CLVS1: variants seen among roughly 807,000 people sequenced by gnomAD.
CLVS1 encodes clavesin 1.
A neutral mutation model predicts 33.1 loss-of-function variants in CLVS1; 10 were observed. The observed-to-expected ratio is 0.30, with a 90% CI of 0.19 to 0.51. CLVS1 has a LOEUF of 0.51. CLVS1 is among the 20% of genes least tolerant of loss of function. CLVS1 has a pLI of 0.97. For missense variants in CLVS1, 343 were observed against 433.4 expected (o/e 0.79, Z 1.85); for synonymous variants, 163 against 166.1 (o/e 0.98, Z 0.14).
At chr8:61,238,207 T>A (rs184217165) in intron 2 of CLVS1, among the ~76,000 whole-genome samples, 2 of 152,178 alleles carry the variant, frequency 1.3e-5, no homozygotes, top group Non-Finnish European at 2.9e-5. Flanking sequence ...AAATTACCTA[T>A]AATTCTAACA....
intron 2 of CLVS1, among the ~76,000 whole-genome samples, chr8:61,336,482 A>G (rs1477795022): frequency 6.6e-6 from 1 of 152,156 alleles, no homozygotes; most frequent in Non-Finnish European, 1.5e-5. Context: ...GGTCCTCACC[A>G]CCAGAGAAAC....
intron 2 of CLVS1, among the ~76,000 whole-genome samples, chr8:61,221,970 G>T (rs368225017): frequency 6.6e-6 from 1 of 152,054 alleles, no homozygotes; most frequent in Non-Finnish European, 1.5e-5. Flanking sequence ...GTTTATTTGC[G>T]TAGAGGTGTT....
At chr8:61,156,999 A>G (rs1001809210) in intron 2 of CLVS1, among the ~76,000 whole-genome samples, 1 of 152,226 alleles carries the variant, frequency 6.6e-6, no homozygotes, top group Non-Finnish European at 1.5e-5. Context: ...TTTTGATTGC[A>G]GAAGGAAAAC....
intron 2 of CLVS1, among the ~76,000 whole-genome samples, chr8:61,150,572 C>A (rs1416018034): frequency 1.3e-5 from 2 of 152,294 alleles, no homozygotes; most frequent in East Asian, 3.9e-4. Flanking sequence ...ATGTTGGGAG[C>A]TTGGCCCCCT....
chr8:61,028,296 T>TA, the CLVS1 span, among the ~76,000 whole-genome samples: 1 of 152,242 alleles, frequency 6.6e-6, no homozygotes, highest in Non-Finnish European at 1.5e-5. Context: ...TCCCAGTGGT[T>TA]TAAGGATCCG....
At chr8:61,267,283 T>A (rs940470129) in intron 2 of CLVS1, among the ~76,000 whole-genome samples, 3 of 150,014 alleles carry the variant, frequency 2.0e-5, no homozygotes, top group East Asian at 3.8e-4. Context: ...TATTATTATT[T>A]TTTAAGTTTT....
At chr8:60,975,415 G>A in the CLVS1 span, among the ~76,000 whole-genome samples, 1 of 152,122 alleles carries the variant, frequency 6.6e-6, no homozygotes, top group African/African-American at 2.4e-5. Flanking sequence ...TGGTTTTAGG[G>A]TGGGTCTAAA....
chr8:61,083,012 A>G (rs1308574945), intron 1 of CLVS1, among the ~76,000 whole-genome samples: 3 of 152,198 alleles, frequency 2.0e-5, no homozygotes. Context: ...AGAAGAAATA[A>G]AGACGTTCTC....
At chr8:61,101,008 C>CA (rs913808552) in intron 1 of CLVS1, among the ~76,000 whole-genome samples, 1 of 152,132 alleles carries the variant, frequency 6.6e-6, no homozygotes. Flanking sequence ...TCATTTTTTA[C>CA]TATTATGAAT....
At chr8:61,092,083 A>G (rs1805261577) in intron 1 of CLVS1, among the ~76,000 whole-genome samples, 1 of 152,250 alleles carries the variant, frequency 6.6e-6, no homozygotes, top group Non-Finnish European at 1.5e-5. Context: ...ATGGATGTGA[A>G]TTATTTAATT....
At chr8:61,332,743 C>T (rs867114971) in intron 2 of CLVS1, among the ~76,000 whole-genome samples, 2 of 152,170 alleles carry the variant, frequency 1.3e-5, no homozygotes, top group African/African-American at 2.4e-5. Context: ...TGGGTTCAAG[C>T]GCTTCTGCCT....
chr8:61,069,678 T>C (rs1051725654), intron 1 of CLVS1, among the ~76,000 whole-genome samples: 9 of 152,212 alleles, frequency 5.9e-5, no homozygotes, highest in African/African-American at 9.6e-5. Flanking sequence ...ATTACCACTG[T>C]CAACATCTGC....
chr8:61,304,385 C>T (rs1810541173), intron 2 of CLVS1, among the ~76,000 whole-genome samples: 1 of 152,204 alleles, frequency 6.6e-6, no homozygotes, highest in Non-Finnish European at 1.5e-5. Context: ...ACTGGCCTTG[C>T]CTGGGCATTG....
At chr8:60,965,147 GCTATAAACAGCA>G in the CLVS1 span, 1 of 152,258 alleles carries the variant, frequency 6.6e-6, no homozygotes, top group African/African-American at 2.4e-5. Context: ...CTTAAAAAGG[GCTATAAACAGCA>G]GCTGCTTCTA....
intron 2 of CLVS1, among the ~76,000 whole-genome samples, chr8:61,341,386 T>C (rs1812024246): frequency 6.6e-6 from 1 of 152,238 alleles, no homozygotes; most frequent in South Asian, 2.1e-4. Context: ...CATTGTCCTC[T>C]GCGGTCCATT....
At chr8:61,105,205 C>A (rs1805512488) in intron 1 of CLVS1, among the ~76,000 whole-genome samples, 1 of 152,158 alleles carries the variant, frequency 6.6e-6, no homozygotes, top group Non-Finnish European at 1.5e-5. Context: ...TAGTGTTCAT[C>A]AGTATTTATA....
chr8:61,005,548 G>A, the CLVS1 span, among the ~76,000 whole-genome samples: 1 of 152,082 alleles, frequency 6.6e-6, no homozygotes, highest in African/African-American at 2.4e-5. Flanking sequence ...CAGTGGCCCT[G>A]CACGGTGCAA....
At chr8:61,184,962 A>C (rs2129301390) in intron 2 of CLVS1, among the ~76,000 whole-genome samples, 1 of 152,244 alleles carries the variant, frequency 6.6e-6, no homozygotes, top group Admixed American at 6.5e-5. Context: ...ACTACCTACA[A>C]TATTTTCGTG....
At chr8:61,298,140 G>A (rs1470277458) in intron 1 of CLVS1, among the ~76,000 whole-genome samples, 1 of 151,738 alleles carries the variant, frequency 6.6e-6, no homozygotes, top group African/African-American at 2.4e-5. Flanking sequence ...GGAAGAACTG[G>A]AGAAGGAAGA....
Sources: gnomAD v4.1 joint callset for allele counts (sites outside exome capture counted in the v4.1 genomes callset) on GRCh38, gnomAD v4.1.1 for gene constraint, MANE v1.5 for transcripts, NCBI Gene and HGNC (gene_info 2026-07-23, HGNC 2026-07-21) for gene names.